CDK11B: variants seen among roughly 807,000 people sequenced by gnomAD.
CDK11B encodes cyclin dependent kinase 11B, also known as cyclin-dependent kinase 11B.
CDK11B carries 37 observed loss-of-function variants against 84.0 expected under a neutral mutation model. The ratio of observed to expected loss-of-function variants is 0.44; its 90% confidence interval spans 0.34 to 0.58. The LOEUF (loss-of-function observed/expected upper bound fraction) is 0.58. Ranked by LOEUF, CDK11B falls within the 20% of genes least tolerant of loss-of-function variation. The probability of loss-of-function intolerance (pLI) is 0.02; values close to 1 mark genes in which losing one functional copy is unlikely to be tolerated. For missense variants in CDK11B, 427 were observed against 834.0 expected, an observed-to-expected ratio of 0.51 and a Z score of 6.01; for synonymous variants, 269 against 309.8, an observed-to-expected ratio of 0.87 and a Z score of 1.38.
intron 2 of CDK11B, among the ~76,000 whole-genome samples, chr1:1,656,364 G>A (rs1210067115): frequency 2.0e-5 from 3 of 152,238 alleles, no homozygotes; most frequent in African/African-American, 7.2e-5. Flanking sequence ...GCTGGCAGGT[G>A]CCTGTAGTCC....
At chr1:1,637,372 C>G in intron 14 of CDK11B, 36 bp downstream of exon 14, 1 of 1,604,142 alleles carries the variant, frequency 6.2e-7, no homozygotes. Flanking sequence ...CCTGCCCCCA[C>G]TTGTACGCAG....
At chr1:1,655,064 A>G (rs933851707) in intron 3 of CDK11B, among the ~76,000 whole-genome samples, 12 of 152,104 alleles carry the variant, frequency 7.9e-5, no homozygotes, top group African/African-American at 2.9e-4. Context: ...TGAGATTACA[A>G]GTGTGAGCCA....
intron 9 of CDK11B, 150 bp from the exon 10 acceptor site, chr1:1,641,263 C>T: frequency 3.9e-6 from 5 of 1,285,704 alleles, no homozygotes; most frequent in Non-Finnish European, 5.4e-6. Flanking sequence ...AATCCCAGCG[C>T]TTTGGGAGGC....
chr1:1,651,532 T>G (rs1477320462), intron 4 of CDK11B, among the ~76,000 whole-genome samples: 2 of 151,302 alleles, frequency 1.3e-5, no homozygotes, highest in Non-Finnish European at 2.9e-5. Context: ...ACTCTCTCTA[T>G]AGCCCTTCTG....
intron 5 of CDK11B, chr1:1,646,793 G>A: frequency 1.9e-6 from 1 of 520,026 alleles, no homozygotes; most frequent in Non-Finnish European, 3.9e-6. Flanking sequence ...CCTGGCTGAT[G>A]GTTCTTCTCT....
At chr1:1,644,950 G>A (rs1469133568) in intron 6 of CDK11B, among the ~76,000 whole-genome samples, 176 bp downstream of exon 6, 1 of 144,760 alleles carries the variant, frequency 6.9e-6, no homozygotes, top group Non-Finnish European at 1.5e-5. Context: ...CCGAGATCGC[G>A]CCACCGCACT....
At chr1:1,656,692 AG>A (rs1642797546) in intron 2 of CDK11B, among the ~76,000 whole-genome samples, 1 of 152,166 alleles carries the variant, frequency 6.6e-6, no homozygotes, top group Admixed American at 6.5e-5. Context: ...TGGGAGGCTG[AG>A]GCAGGAGAAT....
rs746371717 is a variant in CDK11B at position 1,657,358 on chromosome 1, T to C, written c.111+17A>G. 6.5e-7 allele frequency: 1 copy of C among 1,536,206 alleles called. No homozygotes were observed. The highest frequency in any genetic ancestry group is 2.4e-5 in the East Asian group (1 of 41,622). On this transcript the variant is annotated intron_variant, in intron 2 of 19. Coordinates refer to ENST00000341832, the MANE Select transcript of CDK11B (RefSeq NM_033486.3). ...ATCTCCTTTAAGAAAACCACTTACT[T>C]AAAAAATATGGCTTACATTTTTTAA... is the stretch of plus-strand genomic sequence containing the variant.
intron 3 of CDK11B, among the ~76,000 whole-genome samples, chr1:1,654,754 G>A (rs1298883869): frequency 6.6e-6 from 1 of 151,576 alleles, no homozygotes; most frequent in Non-Finnish European, 1.5e-5. Flanking sequence ...CACCTCCTGG[G>A]TTCACGCCAT....
At position 1,640,324 on chromosome 1, in the gene CDK11B, G is replaced by A; in HGVS notation, c.1204C>T (p.Pro402Ser). The part of the protein sequence containing the change: ...DYVPDSPALS[P>S]IELKQELPKY... ...GGCAGCTCCTGCTTGAGCTCGATGG[G>A]CGACAGGGCAGGGGAGTCGGGCACA... Residue 402 changes from proline (P) to serine (S), a missense_variant, in exon 11 of 20, where the codon CCC becomes TCC. Pro to Ser is a moderately conservative substitution (Grantham distance 74). Transcript: ENST00000341832. 1.2e-6 allele frequency: 2 copies of A among 1,613,694 alleles called. No individual in the cohort carries two copies. Among genetic ancestry groups the A allele is most frequent in the Non-Finnish European group, 8.5e-7 (1 of 1,179,668 alleles).
In CDK11B at chr1:1,646,815, G is replaced by C. The variant is rs761531562; in HGVS notation, c.495-1553C>G. 4 of 519,916 alleles carry C rather than the reference G, an allele frequency of 7.7e-6. No homozygotes were observed. In the African/African-American group the frequency reaches 7.7e-5, roughly 10 times the overall value. 32.2% of individuals were successfully genotyped at this position (519,916 alleles called of 1,614,324 possible). A position where few individuals can be genotyped will look rare whatever the true frequency, so the allele number is the denominator to read the frequency against. On this transcript the variant is annotated intron_variant, in intron 5 of 19. Coordinates refer to ENST00000341832, the MANE Select transcript of CDK11B (RefSeq NM_033486.3). ...GATGGTTCTTCTCTCTGAGCAGCTT[G>C]AGTATGCCACTCCACTGCCTTCTGG...
intron 3 of CDK11B, chr1:1,654,229 T>C: frequency 2.2e-6 from 1 of 444,986 alleles, no homozygotes; most frequent in Non-Finnish European, 4.5e-6. Context: ...GAGAAACAGT[T>C]CATGGCACAG....
chr1:1,657,428 T>C lies in CDK11B; in HGVS notation c.58A>G (p.Lys20Glu). ...TCCTCTTGTTCCTTCCTTCGTTTCT[T>C]TTCCTGAAGAATTTCATCTAAAGTT... Reference protein sequence around the residue: ...VKTLDEILQEKKRRKEQEEKA... With the variant: ...VKTLDEILQEEKRRKEQEEKA... Residue 20 changes from lysine (K) to glutamate (E), a missense_variant, in exon 2 of 20, where the codon AAG becomes GAG. Lys to Glu is a moderately conservative substitution (Grantham distance 56). Transcript: ENST00000341832. The C allele has an allele frequency of 6.4e-7, 1 of 1,560,902 alleles. No homozygotes were observed. Among genetic ancestry groups the C allele is most frequent in the Middle Eastern group, 1.7e-4 (1 of 5,980 alleles).
intron 4 of CDK11B, among the ~76,000 whole-genome samples, chr1:1,652,038 C>G (rs1470060742): frequency 6.6e-6 from 1 of 151,874 alleles, no homozygotes; most frequent in Non-Finnish European, 1.5e-5. Flanking sequence ...GGTTTTTGGT[C>G]TGTGACACAC....
chr1:1,637,839 C>A lies in CDK11B; in HGVS notation c.1387G>T (p.Glu463Ter). The change falls in exon 13 of 20, where the codon GAG (glutamate) becomes TAG (stop). Residue 463 changes from glutamate (E) to a stop codon, truncating the protein, a stop_gained. Coordinates refer to ENST00000341832, the MANE Select transcript of CDK11B (RefSeq NM_033486.3). LOFTEE classifies it high-confidence loss of function. ...LKRLKMEKEK[E>*]GFPITSLREI... is the part of the protein sequence containing the mutation. The stretch of plus-strand genomic sequence containing the variant: ...CTCAGCGACGTGATCGGGAAGCCCT[C>A]CTTCTCCTTCTCCATCTTCAGCCGC... 1 of 1,613,692 alleles carries A rather than the reference C, an allele frequency of 6.2e-7. No homozygotes were observed. The highest frequency in any genetic ancestry group is 2.2e-5 in the East Asian group (1 of 44,874).
At position 1,652,488 on chromosome 1, in the gene CDK11B, A is replaced by G. The variant is rs1642145922; in HGVS notation, c.306T>C (p.Asp102=). ...GCCTACGTTTCTCTTTTCTCTTTTC[A>G]TCTTTTCTGTGATGAGCTTTTTCTT... ...SRKEKAHHRK[D]EKRKEKRRHR... Residue 102 remains aspartate, a synonymous_variant, in exon 4 of 20, where the codon GAT becomes GAC. Transcript: ENST00000341832. The G allele has an allele frequency of 6.6e-7, 1 of 1,513,596 alleles. No individual in the cohort carries two copies. The allele number at this position is 1,513,596 out of a possible 1,614,324, so 93.8% of individuals were successfully genotyped here.
rs561677319 is a variant in CDK11B at position 1,649,123 on chromosome 1, G to A, written c.494+376C>T. Among the ~76,000 whole-genome samples the A allele has an allele frequency of 3.5e-4, 53 of 150,346 alleles. No individual in the cohort carries two copies. In the South Asian group the frequency reaches 0.01, roughly 29 times the overall value. Reference sequence around the variant, plus strand: ...TGACTTCTTCTTTTTTTTTTGAGACGGAGTCTCGCTCTGTCGCCCAGGCTG... The same window carrying A: ...TGACTTCTTCTTTTTTTTTTGAGACAGAGTCTCGCTCTGTCGCCCAGGCTG... On this transcript the variant is annotated intron_variant, in intron 5 of 19. Coordinates refer to ENST00000341832, the MANE Select transcript of CDK11B (RefSeq NM_033486.3).
intron 3 of CDK11B, chr1:1,654,312 C>T (rs1489021812): frequency 8.3e-6 from 3 of 363,468 alleles, no homozygotes; most frequent in Non-Finnish European, 1.1e-5. Flanking sequence ...TGCTCTGTTA[C>T]CCCAGTCTCA....
intron 3 of CDK11B, among the ~76,000 whole-genome samples, chr1:1,655,034 G>A (rs373674894): frequency 2.0e-4 from 30 of 152,152 alleles, no homozygotes; most frequent in Admixed American, 5.9e-4. Flanking sequence ...TGATCAGCCC[G>A]CCTTGGCCTC....
Sources: allele counts gnomAD v4.1 joint callset (sites outside exome capture counted in the v4.1 genomes callset), GRCh38; gene constraint gnomAD v4.1.1; transcripts MANE v1.5; gene names NCBI Gene and HGNC (gene_info 2026-07-23, HGNC 2026-07-21).